APP: variants seen among roughly 807,000 people sequenced by gnomAD.
APP encodes amyloid beta precursor protein, also known as amyloid-beta precursor protein.
In APP, 31 loss-of-function variants were observed where a neutral mutation model predicts 101.4. That is an observed-to-expected ratio of 0.31 (90% CI 0.23 to 0.41). The LOEUF is 0.41. Ranked by LOEUF, APP falls within the 10% of genes least tolerant of loss-of-function variation. The pLI is 1.00. For synonymous variants in APP, 366 were observed against 364.4 expected, an observed-to-expected ratio of 1.00 and a Z score of -0.05; for missense variants, 839 against 1,003.7, an observed-to-expected ratio of 0.84 and a Z score of 2.22.
At chr21:26,112,793 G>A (rs1478779704) in intron 1 of APP, among the ~76,000 whole-genome samples, 1 of 152,128 alleles carries the variant, frequency 6.6e-6, no homozygotes, top group Admixed American at 6.5e-5. Flanking sequence ...GAGTGCTGGT[G>A]TCTCCTCTCC....
chr21:26,017,296 CAG>C (rs538137660), intron 6 of APP, among the ~76,000 whole-genome samples: 40 of 144,038 alleles, frequency 2.8e-4, no homozygotes, highest in Admixed American at 2.7e-3. Flanking sequence ...GGTTTAAAGA[CAG>C]AGAATCACTG....
At chr21:25,927,804 T>C (rs1220617094) in intron 13 of APP, among the ~76,000 whole-genome samples, 1 of 152,192 alleles carries the variant, frequency 6.6e-6, no homozygotes, top group Non-Finnish European at 1.5e-5. Context: ...AGAAGTCCCT[T>C]TTCCTTTAAA....
chr21:26,100,920 C>T (rs1022092779), intron 2 of APP, among the ~76,000 whole-genome samples: 2 of 152,138 alleles, frequency 1.3e-5, no homozygotes, highest in East Asian at 1.9e-4. Context: ...GCATTTGAGG[C>T]TTAACCTGTT....
intron 3 of APP, among the ~76,000 whole-genome samples, chr21:26,063,561 G>C (rs529736011): frequency 6.8e-4 from 103 of 151,890 alleles, no homozygotes; most frequent in African/African-American, 2.3e-3. Context: ...AATGAGCATA[G>C]GAACCAAGTG....
chr21:25,942,637 G>A (rs2040624206), intron 13 of APP: 1 of 152,042 alleles, frequency 6.6e-6, no homozygotes, highest in South Asian at 2.1e-4. Flanking sequence ...TGACGTGTCT[G>A]GCAATGACAA....
At chr21:26,060,250 G>C (rs1038026843) in intron 3 of APP, among the ~76,000 whole-genome samples, 1 of 152,182 alleles carries the variant, frequency 6.6e-6, no homozygotes, top group African/African-American at 2.4e-5. Context: ...CCACAGAGAT[G>C]ACATGGTACT....
At chr21:25,911,264 A>G (rs1601376512) in intron 14 of APP, among the ~76,000 whole-genome samples, 1 of 152,224 alleles carries the variant, frequency 6.6e-6, no homozygotes, top group African/African-American at 2.4e-5. Context: ...ACTGGAAAAT[A>G]AAAATTAGAA....
chr21:26,042,909 G>A (rs548951994), intron 5 of APP, among the ~76,000 whole-genome samples: 1 of 145,656 alleles, frequency 6.9e-6, no homozygotes, highest in East Asian at 2.2e-4. Flanking sequence ...GCAAGAACCT[G>A]TCTCCTAAAA....
intron 1 of APP, among the ~76,000 whole-genome samples, chr21:26,166,192 T>A (rs563022075): frequency 6.6e-6 from 1 of 152,230 alleles, no homozygotes; most frequent in Non-Finnish European, 1.5e-5. Context: ...CTTCAGGGTT[T>A]GAGTTCTGTC....
At chr21:26,060,014 A>G (rs891840782) in intron 3 of APP, among the ~76,000 whole-genome samples, 1 of 152,112 alleles carries the variant, frequency 6.6e-6, no homozygotes, top group Non-Finnish European at 1.5e-5. Context: ...TAATATCCCT[A>G]AAGTACTCAA....
chr21:26,022,320 G>A (rs2146781972), intron 5 of APP, among the ~76,000 whole-genome samples: 1 of 152,250 alleles, frequency 6.6e-6, no homozygotes, highest in East Asian at 1.9e-4. Context: ...AAAAAGATCA[G>A]CGGTTGCCAG....
upstream of APP, chr21:26,170,830 C>T (rs983194723): frequency 1.4e-5 from 7 of 508,576 alleles, no homozygotes; most frequent in South Asian, 6.1e-5. Flanking sequence ...CGGCCCACCC[C>T]GCTCGGCACC....
At chr21:26,127,270 C>T (rs767833631) in intron 1 of APP, among the ~76,000 whole-genome samples, 4 of 152,142 alleles carry the variant, frequency 2.6e-5, no homozygotes, top group Admixed American at 6.5e-5. Context: ...GCACTCATAA[C>T]TAGGGTTCCA....
chr21:26,169,415 GGA>G (rs1214761349), intron 1 of APP: 3 of 152,632 alleles, frequency 2.0e-5, no homozygotes, highest in Admixed American at 6.5e-5. Flanking sequence ...GAGCTGCCAG[GGA>G]AGAGGCCGCG....
rs144864119 is a variant in APP, at chr21:25,903,667, C to A, written c.1963+1357G>T. On this transcript the variant is annotated intron_variant, in intron 15 of 17. Transcript: ENST00000346798. ...AACTGACCCTCAGCCCGAGGCCTTA[C>A]AAGTTGGCTGAGCAGAACAGGAATG... is the stretch of plus-strand genomic sequence containing the variant. Among the ~76,000 whole-genome samples, 651 of 152,272 alleles carry A rather than the reference C, an allele frequency of 4.3e-3. 4 individuals carry two copies. The highest frequency in any genetic ancestry group is 7.2e-3 in the Non-Finnish European group (490 of 68,008).
chr21:26,109,379 C>T (rs1312029244), intron 2 of APP, among the ~76,000 whole-genome samples: 4 of 152,022 alleles, frequency 2.6e-5, no homozygotes, highest in South Asian at 2.1e-4. Flanking sequence ...TCATGAGATC[C>T]GGGTGTTTGA....
Position 25,905,449 on chromosome 21 carries a change from A to C in APP, c.1910-372T>G, listed in dbSNP as rs569168475. Among the ~76,000 whole-genome samples the C allele has an allele frequency of 9.8e-5, 15 of 152,320 alleles. No homozygotes were observed. In the East Asian group the frequency reaches 2.9e-3, roughly 29 times the overall value. Reference sequence around the variant, plus strand: ...TATTCCCAGCCTAGCAGAAAACCTTAAAGATACTTCCTTTTACAACTGCCC... The same window carrying C: ...TATTCCCAGCCTAGCAGAAAACCTTCAAGATACTTCCTTTTACAACTGCCC... On this transcript the variant is annotated intron_variant, in intron 14 of 17. Transcript: ENST00000346798.
At chr21:25,906,112 G>A (rs989555433) in intron 14 of APP, among the ~76,000 whole-genome samples, 1 of 152,216 alleles carries the variant, frequency 6.6e-6, no homozygotes, top group Non-Finnish European at 1.5e-5. Flanking sequence ...ATGCACACAG[G>A]CCAGGCATTC....
rs1190046358 is a variant in APP, at chr21:26,021,933, C to T, written c.772G>A (p.Ala258Thr). 2 of 1,613,240 alleles carry T rather than the reference C, an allele frequency of 1.2e-6. No homozygotes were observed. Among genetic ancestry groups the T allele is most frequent in the African/African-American group, 2.7e-5 (2 of 74,874 alleles). Residue 258 changes from alanine (A) to threonine (T), a missense_variant, in exon 6 of 18, where the codon GCT becomes ACT. Ala to Thr is a moderately conservative substitution (Grantham distance 58). Transcript: ENST00000346798. ...DEDGDEVEEE[A>T]EEPYEEATER... ...GTGGCTTCTTCGTAGGGTTCCTCAG[C>T]CTCTTCCTCTACCTCATCACCATCC...
Sources: allele counts gnomAD v4.1 joint callset (sites outside exome capture counted in the v4.1 genomes callset), GRCh38; gene constraint gnomAD v4.1.1; transcripts MANE v1.5; gene names NCBI Gene and HGNC (gene_info 2026-07-23, HGNC 2026-07-21).